Variants in HEMK2 observed in about 807,000 individuals in gnomAD.
The protein encoded by HEMK2 is methyltransferase HEMK2.
chr21:28,860,076 G>A, the HEMK2 span, among the ~76,000 whole-genome samples: 2 of 152,138 alleles, frequency 1.3e-5, no homozygotes, highest in Non-Finnish European at 2.9e-5. Context: ...TTAATACTGA[G>A]TGTCAACTTG....
chr21:28,718,391 AT>A, the HEMK2 span, among the ~76,000 whole-genome samples: 2 of 152,196 alleles, frequency 1.3e-5, no homozygotes, highest in Non-Finnish European at 2.9e-5. Context: ...AAGAATGTAT[AT>A]TCTGTGGCTA....
At chr21:28,660,927 A>G in the HEMK2 span, among the ~76,000 whole-genome samples, 1 of 152,088 alleles carries the variant, frequency 6.6e-6, no homozygotes, top group Non-Finnish European at 1.5e-5. Context: ...TACTTAAAGA[A>G]CCACTTACAT....
the HEMK2 span, among the ~76,000 whole-genome samples, chr21:28,702,992 G>A: frequency 3.3e-5 from 5 of 152,284 alleles, no homozygotes; most frequent in South Asian, 1.0e-3. Context: ...AAAAAAGAAT[G>A]AGATCATGTC....
At chr21:28,699,759 C>A in the HEMK2 span, among the ~76,000 whole-genome samples, 1 of 152,238 alleles carries the variant, frequency 6.6e-6, no homozygotes, top group Admixed American at 6.5e-5. Context: ...CATGTCTGTC[C>A]TCTTTTCAAC....
the HEMK2 span, among the ~76,000 whole-genome samples, chr21:28,782,592 A>T: frequency 6.6e-6 from 1 of 152,246 alleles, no homozygotes; most frequent in African/African-American, 2.4e-5. Context: ...TAACTATAAC[A>T]TATGTAATAG....
chr21:28,865,768 T>C, the HEMK2 span, among the ~76,000 whole-genome samples: 1 of 151,210 alleles, frequency 6.6e-6, no homozygotes, highest in Non-Finnish European at 1.5e-5. Context: ...CCCATTCTCC[T>C]TTCTAGACTC....
chr21:28,867,793 C>CAA, the HEMK2 span, among the ~76,000 whole-genome samples: 138 of 152,280 alleles, frequency 9.1e-4, 1 homozygote, highest in East Asian at 0.022. Context: ...TTTTGACGAA[C>CAA]AAAACCCTTT....
the HEMK2 span, among the ~76,000 whole-genome samples, chr21:28,884,381 GATAA>G: frequency 2.0e-5 from 3 of 152,128 alleles, no homozygotes; most frequent in Non-Finnish European, 2.9e-5. Context: ...GTTTAAGAGG[GATAA>G]ATAAATACAA....
chr21:28,661,048 C>A, the HEMK2 span, among the ~76,000 whole-genome samples: 2 of 152,054 alleles, frequency 1.3e-5, no homozygotes, highest in African/African-American at 2.4e-5. Context: ...TTACCTTTCT[C>A]ATCTCTATCA....
chr21:28,863,760 T>C, the HEMK2 span, among the ~76,000 whole-genome samples: 1 of 152,108 alleles, frequency 6.6e-6, no homozygotes, highest in Non-Finnish European at 1.5e-5. Context: ...ATCAGGACCG[T>C]AGAAACTGTT....
At chr21:28,603,585 GTGTGTGTGTT>G in the HEMK2 span, among the ~76,000 whole-genome samples, 1,910 of 143,394 alleles carry the variant, frequency 0.013, 14 homozygotes, top group Non-Finnish European at 0.02. Flanking sequence ...GTGTGTGTGT[GTGTGTGTGTT>G]TTAGGTTGCA....
At chr21:28,602,364 G>A in the HEMK2 span, among the ~76,000 whole-genome samples, 1 of 151,584 alleles carries the variant, frequency 6.6e-6, no homozygotes, top group African/African-American at 2.4e-5. Flanking sequence ...TATTTTACTG[G>A]GTTTCAATGT....
the HEMK2 span, among the ~76,000 whole-genome samples, chr21:28,575,853 T>C: frequency 6.6e-6 from 1 of 152,186 alleles, no homozygotes; most frequent in Non-Finnish European, 1.5e-5. Flanking sequence ...CATAGTATGT[T>C]CTCCGTGTTT....
the HEMK2 span, among the ~76,000 whole-genome samples, chr21:28,753,356 CAAAAAA>C: frequency 1.7e-5 from 2 of 117,088 alleles, no homozygotes; most frequent in East Asian, 4.5e-4. Context: ...GACTCTGTCT[CAAAAAA>C]AAAAAAAAAA....
chr21:28,599,795 G>A, the HEMK2 span, among the ~76,000 whole-genome samples: 4 of 152,208 alleles, frequency 2.6e-5, no homozygotes, highest in Non-Finnish European at 4.4e-5. Context: ...TGGGGGTACA[G>A]GCATTGGATA....
At chr21:28,745,373 G>A in the HEMK2 span, among the ~76,000 whole-genome samples, 3 of 152,196 alleles carry the variant, frequency 2.0e-5, no homozygotes, top group Admixed American at 1.3e-4. Context: ...TGATAGAATC[G>A]GCTTGTTATT....
At chr21:28,675,102 GC>G in the HEMK2 span, among the ~76,000 whole-genome samples, 2 of 152,146 alleles carry the variant, frequency 1.3e-5, no homozygotes, top group African/African-American at 4.8e-5. Context: ...GTAAACTTAT[GC>G]TTACTGTGTG....
the HEMK2 span, among the ~76,000 whole-genome samples, chr21:28,719,015 A>G: frequency 6.6e-6 from 1 of 152,136 alleles, no homozygotes; most frequent in African/African-American, 2.4e-5. Flanking sequence ...CCAGTCCCCA[A>G]AAAAGGCAAC....
the HEMK2 span, among the ~76,000 whole-genome samples, chr21:28,681,356 A>G: frequency 2.6e-5 from 4 of 152,112 alleles, no homozygotes; most frequent in African/African-American, 9.7e-5. Context: ...GATGTGAAGG[A>G]CCTCTTCAAG....
Sources: gnomAD v4.1 joint callset for allele counts (sites outside exome capture counted in the v4.1 genomes callset) on GRCh38, gnomAD v4.1.1 for gene constraint, MANE v1.5 for transcripts, NCBI Gene and HGNC (gene_info 2026-07-23, HGNC 2026-07-21) for gene names.